Variants in ARHGAP10 observed in about 807,000 individuals in gnomAD.
ARHGAP10 encodes rho GTPase-activating protein 10.
Under a neutral mutation model 108.6 loss-of-function variants are expected in ARHGAP10, and 87 were observed. The ratio of observed to expected loss-of-function variants is 0.80; its 90% CI spans 0.67 to 0.96. ARHGAP10 has a LOEUF of 0.96. Among genes scored for constraint, ARHGAP10 ranks in the 40% least tolerant of loss-of-function variants. The pLI is 0.00. For missense variants in ARHGAP10, 939 were observed against 954.5 expected, an observed-to-expected ratio of 0.98 and a Z score of 0.21; for synonymous variants, 347 against 341.1, an observed-to-expected ratio of 1.02 and a Z score of -0.19.
At chr4:148,008,758 G>A (rs144904371) in intron 18 of ARHGAP10, among the ~76,000 whole-genome samples, 16 of 152,166 alleles carry the variant, frequency 1.1e-4, no homozygotes, top group African/African-American at 3.9e-4. Context: ...GTTCTGTGAG[G>A]TGAGAGCTAT....
At chr4:147,828,880 G>GTTTT (rs11381308) in intron 3 of ARHGAP10, among the ~76,000 whole-genome samples, 4 of 145,174 alleles carry the variant, frequency 2.8e-5, no homozygotes, top group Non-Finnish European at 4.5e-5. Context: ...AGTCAAGATA[G>GTTTT]TTTTTTTTTT....
At chr4:148,021,443 A>T (rs180955992) in intron 18 of ARHGAP10, among the ~76,000 whole-genome samples, 33 of 152,292 alleles carry the variant, frequency 2.2e-4, no homozygotes, top group Non-Finnish European at 3.8e-4. Flanking sequence ...TATGCTTTGG[A>T]TATACTGGCT....
chr4:147,984,775 T>G (rs997867679), intron 18 of ARHGAP10, among the ~76,000 whole-genome samples: 2 of 152,200 alleles, frequency 1.3e-5, no homozygotes, highest in African/African-American at 4.8e-5. Context: ...GAGCCAGCTG[T>G]GGCCAATATA....
intron 8 of ARHGAP10, 27 bp downstream of exon 8, chr4:147,875,177 G>A (rs763589122): frequency 5.2e-6 from 8 of 1,534,998 alleles, no homozygotes; most frequent in South Asian, 1.3e-5. Context: ...CAGTGGCTGC[G>A]TGGCTGCTTA....
Position 147,857,660 on chromosome 4 carries a change from A to C in ARHGAP10, c.486+6A>C. On this transcript the variant is annotated splice_donor_region_variant and intron_variant, in intron 5 of 22. Coordinates refer to ENST00000336498, the MANE Select transcript of ARHGAP10 (RefSeq NM_024605.4). ...AAGACTCACATTTACAAGAGGTATA[A>C]TTTTTTATTTTTCTGTTACGTTTTC... 1 of 1,447,406 alleles carries C rather than the reference A, an allele frequency of 6.9e-7. No homozygotes were observed. Among genetic ancestry groups the C allele is most frequent in the Non-Finnish European group, 9.1e-7 (1 of 1,097,988 alleles). The allele number at this position is 1,447,406 out of a possible 1,614,324, so 89.7% of individuals were successfully genotyped here.
At chr4:147,888,778 CTTACAG>C (rs1735675719) in intron 10 of ARHGAP10, among the ~76,000 whole-genome samples, 1 of 152,170 alleles carries the variant, frequency 6.6e-6, no homozygotes. Context: ...CCGTCTGTGT[CTTACAG>C]TTAGTCTCAT....
chr4:147,981,313 C>A (rs59630516), intron 18 of ARHGAP10, among the ~76,000 whole-genome samples: 6,856 of 152,220 alleles, frequency 0.045, 168 homozygotes, highest in South Asian at 0.057. Flanking sequence ...TTGTGGTTTA[C>A]CCAAAAGTCA....
intron 4 of ARHGAP10, among the ~76,000 whole-genome samples, chr4:147,856,070 A>G (rs1017809301): frequency 1.1e-4 from 17 of 152,314 alleles, no homozygotes; most frequent in African/African-American, 4.1e-4. Context: ...TTTGAAATTA[A>G]TGGAAACATT....
chr4:147,903,372 C>T (rs572383629), intron 10 of ARHGAP10, among the ~76,000 whole-genome samples: 1 of 152,204 alleles, frequency 6.6e-6, no homozygotes, highest in Non-Finnish European at 1.5e-5. Flanking sequence ...CTGATTCCCC[C>T]CAACTCCCAC....
intron 7 of ARHGAP10, among the ~76,000 whole-genome samples, chr4:147,874,741 T>G (rs1310501761): frequency 6.6e-6 from 1 of 152,154 alleles, no homozygotes; most frequent in Non-Finnish European, 1.5e-5. Context: ...GGAATTTTTA[T>G]GTTGAATAGT....
chr4:147,958,717 G>A (rs1312631748), intron 16 of ARHGAP10, among the ~76,000 whole-genome samples: 3 of 152,204 alleles, frequency 2.0e-5, no homozygotes, highest in Non-Finnish European at 4.4e-5. Context: ...CTTGGGAAGT[G>A]CTTGGATGGT....
intron 3 of ARHGAP10, among the ~76,000 whole-genome samples, chr4:147,839,114 A>ATCTGTCTGTCTG (rs1461942726): frequency 5.5e-5 from 8 of 144,990 alleles, no homozygotes; most frequent in Admixed American, 7.0e-5. Flanking sequence ...CTATCTATCT[A>ATCTGTCTGTCTG]TCTATCTATC....
intron 20 of ARHGAP10, among the ~76,000 whole-genome samples, chr4:148,062,070 G>A (rs1485967890): frequency 2.0e-5 from 3 of 152,228 alleles, no homozygotes; most frequent in African/African-American, 7.2e-5. Flanking sequence ...AAGCAGAGCT[G>A]TGGCAGACAG....
chr4:147,801,615 C>T (rs1036407996), intron 1 of ARHGAP10, among the ~76,000 whole-genome samples: 3 of 152,138 alleles, frequency 2.0e-5, no homozygotes, highest in Non-Finnish European at 2.9e-5. Flanking sequence ...TAAAATGTTT[C>T]TTGCAAAAGA....
At chr4:147,858,395 C>T (rs1734180896) in intron 5 of ARHGAP10, 1 of 152,056 alleles carries the variant, frequency 6.6e-6, no homozygotes, top group South Asian at 2.1e-4. Context: ...TTATGTACTA[C>T]TGTCATAAAC....
chr4:148,038,989 TC>T (rs1207334121), intron 19 of ARHGAP10, among the ~76,000 whole-genome samples: 5 of 152,168 alleles, frequency 3.3e-5, no homozygotes, highest in Non-Finnish European at 7.4e-5. Context: ...TATATTTCTC[TC>T]CCCACTTCCA....
intron 10 of ARHGAP10, among the ~76,000 whole-genome samples, chr4:147,889,370 G>T (rs1735698427): frequency 6.6e-6 from 1 of 152,214 alleles, no homozygotes; most frequent in African/African-American, 2.4e-5. Flanking sequence ...CACGATCTCG[G>T]TTCACTGCAA....
intron 15 of ARHGAP10, among the ~76,000 whole-genome samples, chr4:147,954,448 CCTT>C (rs1389648828): frequency 2.2e-4 from 34 of 151,966 alleles, no homozygotes; most frequent in African/African-American, 7.9e-4. Context: ...TATGAAATGA[CCTT>C]CTTTATCTCT....
Position 148,047,138 on chromosome 4 carries a change from G to A in ARHGAP10, c.2027+87G>A, listed in dbSNP as rs370953344. On this transcript the variant is annotated intron_variant, in intron 20 of 22. Transcript: ENST00000336498. ...AGTTTCCATGAGCAGTGACCTGTGG[G>A]TGCTGAAGCCATTAGATCTAGGAGC... The A allele has an allele frequency of 3.7e-4, 548 of 1,489,288 alleles. 8 individuals carry two copies. In the South Asian group the frequency reaches 5.0e-3, roughly 14 times the overall value. The allele number at this position is 1,489,288 out of a possible 1,614,324, so 92.3% of individuals were successfully genotyped here.
Sources: allele counts gnomAD v4.1 joint callset (sites outside exome capture counted in the v4.1 genomes callset), GRCh38; gene constraint gnomAD v4.1.1; transcripts MANE v1.5; gene names NCBI Gene and HGNC (gene_info 2026-07-23, HGNC 2026-07-21).